The following MACROD2 variants were observed in gnomAD, a reference collection of about 807,000 sequenced individuals.
The protein encoded by MACROD2 is mono-ADP ribosylhydrolase 2.
A neutral mutation model predicts 70.4 loss-of-function variants in MACROD2; 36 were observed. The observed-to-expected ratio is 0.51, with a 90% CI of 0.39 to 0.68. The LOEUF (loss-of-function observed/expected upper bound fraction) is 0.68, where lower values mean the gene tolerates loss of function less well. Among genes scored for constraint, MACROD2 ranks in the 30% least tolerant of loss-of-function variants. The pLI is 0.00. For synonymous variants in MACROD2, 172 were observed against 178.8 expected, an observed-to-expected ratio of 0.96 and a Z score of 0.30; for missense variants, 496 against 538.4, an observed-to-expected ratio of 0.92 and a Z score of 0.78.
rs140515717 is a variant in MACROD2 at position 15,399,668 on chromosome 20, A to T, written c.541-31737A>T. Reference sequence around the variant, plus strand: ...TGGCACAATAAGCATTTTAAGTGAAAGAAAGAGTATTAGTAGTCTGAGTGG... The same window carrying T: ...TGGCACAATAAGCATTTTAAGTGAATGAAAGAGTATTAGTAGTCTGAGTGG... On this transcript the variant is annotated intron_variant, in intron 6 of 17. Coordinates refer to ENST00000684519, the MANE Select transcript of MACROD2 (RefSeq NM_001351661.2). Among the ~76,000 whole-genome samples, 69 of 152,374 alleles carry T rather than the reference A, an allele frequency of 4.5e-4. No individual in the cohort carries two copies. The East Asian group carries it at 0.013, about 28-fold the overall frequency.
At chr20:15,051,727 C>T (rs527742940) in intron 5 of MACROD2, among the ~76,000 whole-genome samples, 4 of 151,088 alleles carry the variant, frequency 2.6e-5, no homozygotes, top group Non-Finnish European at 5.9e-5. Context: ...CAAATTGACA[C>T]ATACAACTAG....
intron 8 of MACROD2, among the ~76,000 whole-genome samples, chr20:15,698,508 C>A (rs997025159): frequency 9.9e-5 from 15 of 152,158 alleles, no homozygotes; most frequent in African/African-American, 3.1e-4. Context: ...TCTTAAAATT[C>A]TTTCCTTCGT....
intron 5 of MACROD2, among the ~76,000 whole-genome samples, chr20:14,704,533 T>C (rs1051696566): frequency 6.6e-6 from 1 of 152,182 alleles, no homozygotes; most frequent in Non-Finnish European, 1.5e-5. Flanking sequence ...TGAGGTCACC[T>C]GAGATTCTTG....
intron 8 of MACROD2, among the ~76,000 whole-genome samples, chr20:15,653,075 C>A (rs1010155187): frequency 6.6e-6 from 1 of 152,048 alleles, no homozygotes; most frequent in African/African-American, 2.4e-5. Context: ...AAAACAAGTA[C>A]AAATTTCTAA....
chr20:15,287,822 T>G (rs1010285213), intron 6 of MACROD2, among the ~76,000 whole-genome samples: 1 of 152,264 alleles, frequency 6.6e-6, no homozygotes, highest in African/African-American at 2.4e-5. Flanking sequence ...GCAAAGATGC[T>G]TTTATGATTA....
chr20:14,405,175 G>C (rs529211430), intron 3 of MACROD2, among the ~76,000 whole-genome samples: 1 of 152,226 alleles, frequency 6.6e-6, no homozygotes, highest in South Asian at 2.1e-4. Context: ...AGTAATTTAT[G>C]TACTAAGCTA....
At chr20:14,161,191 C>CTTTTTTTTTTTTTTTTTTT (rs376789442) in intron 3 of MACROD2, among the ~76,000 whole-genome samples, 1 of 136,930 alleles carries the variant, frequency 7.3e-6, no homozygotes, top group Non-Finnish European at 1.6e-5. Flanking sequence ...TTTTCTTTTT[C>CTTTTTTTTTTTTTTTTTTT]TTTTTTTTTT....
rs751985388 is a variant in MACROD2, at chr20:16,041,226, G to C, written c.1179G>C (p.Met393Ile). The change falls in exon 16 of 18, where the codon ATG (methionine) becomes ATC (isoleucine). Residue 393 changes from methionine to isoleucine, a missense_variant. Met to Ile is a conservative substitution (Grantham distance 10). Transcript: ENST00000684519. ...EKAPGEDTPR[M>I]PGKSEGSSDL... Reference sequence around the variant, plus strand: ...CTCCAGGCGAGGACACACCTAGGATGCCTGGGAAAAGTGAAGGCTCCAGTG... The same window carrying C: ...CTCCAGGCGAGGACACACCTAGGATCCCTGGGAAAAGTGAAGGCTCCAGTG... 67 of 1,612,140 alleles carry C rather than the reference G, an allele frequency of 4.2e-5. No individual in the cohort carries two copies. Among genetic ancestry groups the C allele is most frequent in the Non-Finnish European group, 5.7e-5 (67 of 1,178,934 alleles).
intron 8 of MACROD2, among the ~76,000 whole-genome samples, chr20:15,683,244 C>T (rs2050184422): frequency 6.6e-6 from 1 of 152,164 alleles, no homozygotes; most frequent in Admixed American, 6.5e-5. Context: ...TCTCGTGGCA[C>T]TTACTGTATA....
At chr20:15,576,854 G>A (rs867443298) in intron 8 of MACROD2, among the ~76,000 whole-genome samples, 1 of 152,108 alleles carries the variant, frequency 6.6e-6, no homozygotes, top group East Asian at 1.9e-4. Context: ...GTACCACATT[G>A]TAGTAACACC....
chr20:15,053,268 G>T (rs11907498), intron 5 of MACROD2, among the ~76,000 whole-genome samples: 1 of 152,192 alleles, frequency 6.6e-6, no homozygotes, highest in Admixed American at 6.5e-5. Context: ...ATGAAACAGC[G>T]TTATATTGGA....
At chr20:14,325,909 A>G (rs745656367) in intron 3 of MACROD2, 12 of 1,613,972 alleles carry the variant, frequency 7.4e-6, no homozygotes, top group South Asian at 1.1e-5. Flanking sequence ...AGCCCCACCA[A>G]TGATGGCAGC....
At chr20:15,649,670 T>C (rs1438095861) in intron 8 of MACROD2, among the ~76,000 whole-genome samples, 2 of 152,202 alleles carry the variant, frequency 1.3e-5, no homozygotes, top group Non-Finnish European at 2.9e-5. Context: ...CCAATCTCTG[T>C]GTCAAGAAAG....
rs536697010 is a variant in MACROD2 at position 15,848,371 on chromosome 20, G to C, written c.646-14374G>C. ...TCACTGTACAAGCCAGGGGGAGGGG[G>C]GGGTCATCTTCCTCAAGGATTAGTA... On this transcript the variant is annotated intron_variant, in intron 8 of 17. Coordinates refer to ENST00000684519, the MANE Select transcript of MACROD2 (RefSeq NM_001351661.2). Among the ~76,000 whole-genome samples the C allele has an allele frequency of 1.7e-4, 26 of 152,124 alleles. No individual in the cohort carries two copies. The South Asian group carries it at 4.0e-3, about 23-fold the overall frequency.
chr20:14,468,724 C>T (rs1296399530), intron 3 of MACROD2, among the ~76,000 whole-genome samples: 1 of 152,038 alleles, frequency 6.6e-6, no homozygotes, highest in Non-Finnish European at 1.5e-5. Context: ...GTTGACCAGG[C>T]TGGTCTTGAA....
At chr20:14,843,141 C>G (rs2073104201) in intron 5 of MACROD2, among the ~76,000 whole-genome samples, 1 of 148,198 alleles carries the variant, frequency 6.7e-6, no homozygotes, top group African/African-American at 2.5e-5. Flanking sequence ...ACTATCTGAT[C>G]ATCTCATTTC....
chr20:15,184,337 C>A (rs1003403225), intron 5 of MACROD2, among the ~76,000 whole-genome samples: 1 of 152,120 alleles, frequency 6.6e-6, no homozygotes, highest in Non-Finnish European at 1.5e-5. Flanking sequence ...AAAGGAATGA[C>A]CTGCTCTGTC....
chr20:14,346,309 A>C (rs2083064081), intron 3 of MACROD2, among the ~76,000 whole-genome samples: 4 of 152,042 alleles, frequency 2.6e-5, no homozygotes, highest in Admixed American at 2.6e-4. Context: ...TAGTGTTTCT[A>C]TTTTGTTTGC....
intron 7 of MACROD2, among the ~76,000 whole-genome samples, chr20:15,472,811 G>A (rs1232776834): frequency 2.6e-5 from 4 of 151,616 alleles, no homozygotes; most frequent in East Asian, 1.9e-4. Flanking sequence ...TATGCTTTTC[G>A]GGCCCTGTAC....
Sources: gnomAD v4.1 joint callset for allele counts (sites outside exome capture counted in the v4.1 genomes callset) on GRCh38, gnomAD v4.1.1 for gene constraint, MANE v1.5 for transcripts, NCBI Gene and HGNC (gene_info 2026-07-23, HGNC 2026-07-21) for gene names.